Variants in METAP2 observed in about 807,000 individuals in gnomAD.
The protein encoded by METAP2 is methionine aminopeptidase 2.
A neutral mutation model predicts 59.4 loss-of-function variants in METAP2; 25 were observed. The ratio of observed to expected loss-of-function variants is 0.42; its 90% CI spans 0.31 to 0.59. METAP2 has a LOEUF of 0.59. METAP2 is among the 20% of genes least tolerant of loss of function. The probability of loss-of-function intolerance (pLI) is 0.16; values close to 1 mark genes in which losing one functional copy is unlikely to be tolerated. For synonymous variants in METAP2, 214 were observed against 194.1 expected (o/e 1.10, Z -0.85); for missense variants, 366 against 581.2 (o/e 0.63, Z 3.81).
rs567196405 is a variant in METAP2 at position 95,477,478 on chromosome 12, T to G, written c.259+1300T>G. On this transcript the variant is annotated intron_variant, in intron 2 of 10. Transcript: ENST00000323666. ...GCACTAAGTTTTATTATAAATTCCT[T>G]GACCCTAGCTCCTTCTGGGTGTTTG... Among the ~76,000 whole-genome samples the G allele has an allele frequency of 2.0e-5, 3 of 152,370 alleles. No individual in the cohort carries two copies. The South Asian group carries it at 6.2e-4, about 32-fold the overall frequency.
intron 7 of METAP2, 68 bp downstream of exon 7, chr12:95,496,166 A>G: frequency 9.8e-7 from 1 of 1,016,230 alleles, no homozygotes; most frequent in Non-Finnish European, 1.5e-6. Context: ...TAAACACTTA[A>G]CAGCATTTAA....
At chr12:95,503,380 C>T (rs1414281233) in intron 7 of METAP2, among the ~76,000 whole-genome samples, 3 of 152,160 alleles carry the variant, frequency 2.0e-5, no homozygotes, top group Non-Finnish European at 2.9e-5. Context: ...TCTTTAATAT[C>T]TGGGCCCCAG....
chr12:95,495,407 G>A (rs1329933502), intron 6 of METAP2, among the ~76,000 whole-genome samples: 1 of 152,016 alleles, frequency 6.6e-6, no homozygotes, highest in African/African-American at 2.4e-5. Context: ...TTTGTATCAA[G>A]GCATGAAAGA....
In METAP2 at chr12:95,504,118, T is replaced by C; in HGVS notation, c.921T>C (p.Val307=). 6.2e-7 allele frequency: 1 copy of C among 1,613,008 alleles called. No individual in the cohort carries two copies. Among genetic ancestry groups the C allele is most frequent in the Non-Finnish European group, 8.5e-7 (1 of 1,179,050 alleles). ...LCDVGEAIQE[V]MESYEVEIDG... is the part of the protein sequence containing the mutation. ...ATGTTGGTGAGGCCATCCAAGAAGT[T>C]ATGGAGTCCTATGAAGTTGAAATAG... The change falls in exon 8 of 11, where the codon GTT becomes GTC. Residue 307 remains valine (V), a synonymous_variant. Transcript: ENST00000323666.
Position 95,496,776 on chromosome 12 carries a change from TTAAA to T in METAP2, c.867+679_867+682del, listed in dbSNP as rs201679045. Reference sequence around the variant, plus strand: ...TTTTTTTTTTTGGAGGGAGGTGCAGTTAAAATAGACATTACATAAAATTTACCAT... The same window carrying T: ...TTTTTTTTTTTGGAGGGAGGTGCAGTATAGACATTACATAAAATTTACCAT... On this transcript the variant is annotated intron_variant, in intron 7 of 10. Coordinates refer to ENST00000323666, the MANE Select transcript of METAP2 (RefSeq NM_006838.4). Among the ~76,000 whole-genome samples the T allele has an allele frequency of 1.4e-3, 209 of 151,582 alleles. 5 individuals are homozygous for T. In the East Asian group the frequency reaches 0.038, roughly 27 times the overall value.
chr12:95,494,312 C>A, intron 5 of METAP2, 95 bp downstream of exon 5: 1 of 1,193,434 alleles, frequency 8.4e-7, no homozygotes, highest in Non-Finnish European at 1.2e-6. Context: ...TACCACTTTG[C>A]TAAATCTTTA....
At chr12:95,485,707 A>G (rs2076191385) in intron 3 of METAP2, 172 bp from the exon 4 acceptor site, 6 of 510,764 alleles carry the variant, frequency 1.2e-5, no homozygotes, top group Non-Finnish European at 1.4e-5. Flanking sequence ...AGCAGCAATA[A>G]ATCATTGAGG....
chr12:95,474,797 T>A (rs1488398163), intron 1 of METAP2, among the ~76,000 whole-genome samples: 1 of 152,128 alleles, frequency 6.6e-6, no homozygotes. Context: ...AGAGCACACC[T>A]CCTCCCACTA....
At chr12:95,486,580 C>G (rs1220865863) in intron 4 of METAP2, among the ~76,000 whole-genome samples, 1 of 151,962 alleles carries the variant, frequency 6.6e-6, no homozygotes, top group Non-Finnish European at 1.5e-5. Flanking sequence ...TCACTGCAAC[C>G]TCTGCCTCCC....
intron 7 of METAP2, 93 bp downstream of exon 7, chr12:95,496,191 T>TTAAACA: frequency 1.4e-6 from 1 of 709,544 alleles, no homozygotes; most frequent in Non-Finnish European, 2.4e-6. Flanking sequence ...TTTTAAGGCC[T>TTAAACA]GTTTAAGGGC....
At chr12:95,512,550 A>G (rs1481553289) in intron 9 of METAP2, among the ~76,000 whole-genome samples, 3 of 152,096 alleles carry the variant, frequency 2.0e-5, no homozygotes, top group Non-Finnish European at 2.9e-5. Context: ...TGTATCTACT[A>G]AAAATACAAA....
chr12:95,477,104 A>AT (rs72037664), intron 2 of METAP2, among the ~76,000 whole-genome samples: 112 of 145,902 alleles, frequency 7.7e-4, no homozygotes, highest in Non-Finnish European at 1.1e-3. Flanking sequence ...TTTACTCTCT[A>AT]TTTTTTTTTT....
intron 7 of METAP2, among the ~76,000 whole-genome samples, chr12:95,497,272 AC>A (rs1159030232): frequency 6.6e-6 from 1 of 152,024 alleles, no homozygotes; most frequent in East Asian, 1.9e-4. Context: ...TTCTCCCCCT[AC>A]CCTGGCAACC....
chr12:95,493,902 A>G (rs2076257510), intron 4 of METAP2, among the ~76,000 whole-genome samples, 154 bp from the exon 5 acceptor site: 1 of 152,184 alleles, frequency 6.6e-6, no homozygotes. Flanking sequence ...GTTGGTTGCA[A>G]GTGTTTGGCT....
chr12:95,485,890 A>G lies in METAP2; in HGVS notation c.337A>G (p.Thr113Ala). 3.2e-6 allele frequency: 5 copies of G among 1,564,202 alleles called. No homozygotes were observed. The highest frequency in any genetic ancestry group is 4.3e-6 in the Non-Finnish European group (5 of 1,161,488). ...TTTGTATCTCACAGCAAAAGTTCAAACAGACCCTCCCTCAGTTCCAATATG... is the reference window on the plus strand; with the variant it reads ...TTTGTATCTCACAGCAAAAGTTCAAGCAGACCCTCCCTCAGTTCCAATATG... ...KKKKRGPKVQTDPPSVPICDL... is the reference protein window; with the variant it reads ...KKKKRGPKVQADPPSVPICDL... Residue 113 changes from threonine (T) to alanine (A), a missense_variant, in exon 4 of 11, where the codon ACA becomes GCA. Thr to Ala is a moderately conservative substitution (Grantham distance 58). This residue lies in a region of METAP2 where 177 missense variants were observed against 180.3 expected (regional missense o/e 0.98). Transcript: ENST00000323666.
At chr12:95,474,598 T>A (rs2140134152) in intron 1 of METAP2, among the ~76,000 whole-genome samples, 1 of 152,332 alleles carries the variant, frequency 6.6e-6, no homozygotes, top group Non-Finnish European at 1.5e-5. Flanking sequence ...GCCCCTGTAT[T>A]ACCAGAACTC....
rs546377297 is a variant in METAP2 at position 95,500,528 on chromosome 12, A to T, written c.868-3537A>T. On this transcript the variant is annotated intron_variant, in intron 7 of 10. Coordinates refer to ENST00000323666, the MANE Select transcript of METAP2 (RefSeq NM_006838.4). ...GTATGATGTTAGCTGTAGGTTTTTCATAGATGGCTTTTATTACGTTGAGGT... is the reference window on the plus strand; with the variant it reads ...GTATGATGTTAGCTGTAGGTTTTTCTTAGATGGCTTTTATTACGTTGAGGT... 9.9e-4 allele frequency among the ~76,000 whole-genome samples: 151 copies of T among 152,292 alleles called. 1 individual carries two copies. The highest frequency in any genetic ancestry group is 3.6e-3 in the African/African-American group (148 of 41,562).
chr12:95,482,829 A>G (rs1035585171), intron 2 of METAP2, among the ~76,000 whole-genome samples: 1 of 152,148 alleles, frequency 6.6e-6, no homozygotes. Flanking sequence ...TTTGACCAAA[A>G]ATGGTCAAGT....
At chr12:95,495,408 G>C (rs1270529763) in intron 6 of METAP2, among the ~76,000 whole-genome samples, 1 of 152,046 alleles carries the variant, frequency 6.6e-6, no homozygotes, top group Non-Finnish European at 1.5e-5. Flanking sequence ...TTGTATCAAG[G>C]CATGAAAGAC....
Sources: gnomAD v4.1 joint callset for allele counts (sites outside exome capture counted in the v4.1 genomes callset) on GRCh38, gnomAD v4.1.1 for gene constraint, gnomAD v4.1.1 regional missense constraint, MANE v1.5 for transcripts, NCBI Gene and HGNC (gene_info 2026-07-23, HGNC 2026-07-21) for gene names.